Variants in DACH2 observed in about 807,000 individuals in gnomAD.
The protein encoded by DACH2 is dachshund family transcription factor 2.
In DACH2, 17 loss-of-function variants were observed where a neutral mutation model predicts 35.8. The observed-to-expected ratio is 0.48, with a 90% confidence interval of 0.33 to 0.71. DACH2 has a LOEUF of 0.71. DACH2 is among the 30% of genes least tolerant of loss of function. The pLI, the probability that DACH2 is intolerant of heterozygous loss-of-function variation, is 0.02. For missense variants in DACH2, 469 were observed against 472.7 expected (o/e 0.99, Z 0.07); for synonymous variants, 195 against 177.3 (o/e 1.10, Z -0.79).
chrX:86,277,973 A>G, intron 1 of DACH2, among the ~76,000 whole-genome samples: 1 of 111,698 alleles, frequency 9.0e-6, no homozygotes, highest in Non-Finnish European at 1.9e-5. Context: ...TCGGATTGTG[A>G]TGTGCGACGA....
chrX:86,377,355 G>A (rs1455018674), intron 2 of DACH2, among the ~76,000 whole-genome samples: 1 of 111,191 alleles, frequency 9.0e-6, no homozygotes, highest in East Asian at 2.8e-4. Flanking sequence ...ATGTGTTGTA[G>A]GCATGTTAGA....
intron 1 of DACH2, among the ~76,000 whole-genome samples, chrX:86,222,149 C>T (rs1243554404): frequency 3.6e-5 from 4 of 111,844 alleles, no homozygotes; most frequent in African/African-American, 6.5e-5. Context: ...TATAGTGCCC[C>T]GTAAACTCTT....
chrX:86,254,803 T>TAGAGAGAG (rs1191986026), intron 1 of DACH2, among the ~76,000 whole-genome samples: 23 of 65,137 alleles, frequency 3.5e-4, no homozygotes, highest in South Asian at 8.4e-4. Context: ...TATATATATA[T>TAGAGAGAG]ATATAGAGAG....
intron 1 of DACH2, among the ~76,000 whole-genome samples, chrX:86,211,602 G>A (rs1602289526): frequency 9.0e-6 from 1 of 111,450 alleles, no homozygotes; most frequent in South Asian, 3.7e-4. Flanking sequence ...CAAAAGAAGA[G>A]CAATCATTGG....
chrX:86,316,048 T>A (rs2034898843), intron 1 of DACH2, among the ~76,000 whole-genome samples: 1 of 110,228 alleles, frequency 9.1e-6, no homozygotes, highest in Non-Finnish European at 1.9e-5. Context: ...TAGAGCAGAG[T>A]TTTCTATCAG....
chrX:86,409,770 C>T (rs1347123827), intron 2 of DACH2, among the ~76,000 whole-genome samples: 1 of 112,046 alleles, frequency 8.9e-6, no homozygotes. Context: ...TACAAAGGAT[C>T]ATATAGCAAA....
chrX:86,378,219 A>G (rs971773046), intron 2 of DACH2, among the ~76,000 whole-genome samples: 2 of 109,556 alleles, frequency 1.8e-5, no homozygotes, highest in African/African-American at 3.3e-5. Flanking sequence ...TTTCTGGATT[A>G]TCAAAACATA....
intron 11 of DACH2, among the ~76,000 whole-genome samples, chrX:86,824,502 T>C (rs2042544433): frequency 8.9e-6 from 1 of 111,827 alleles, no homozygotes; most frequent in African/African-American, 3.3e-5. Flanking sequence ...ATCACAGTGG[T>C]CCTGAGGTGA....
At chrX:86,688,533 A>G (rs1006663475) in intron 4 of DACH2, among the ~76,000 whole-genome samples, 8 of 111,863 alleles carry the variant, frequency 7.2e-5, no homozygotes, top group Non-Finnish European at 1.3e-4. Flanking sequence ...AGACTGAGAG[A>G]TCTTTGAGGG....
At chrX:86,615,525 T>G (rs2039992123) in intron 3 of DACH2, among the ~76,000 whole-genome samples, 1 of 111,220 alleles carries the variant, frequency 9.0e-6, no homozygotes, top group South Asian at 3.7e-4. Flanking sequence ...GACTGCTCAG[T>G]GTATTTATGT....
intron 2 of DACH2, among the ~76,000 whole-genome samples, chrX:86,457,058 A>G (rs1198214680): frequency 9.0e-6 from 1 of 111,526 alleles, no homozygotes; most frequent in Non-Finnish European, 1.9e-5. Context: ...TTTGACTATG[A>G]CATGCCTAGT....
chrX:86,332,572 A>T lies in DACH2; in HGVS notation c.489-44252A>T, dbSNP rs919868289. ...TATGTGTGTATTCAGATAACATATT[A>T]AAACCTTTTTGAGTTCTTTAGAGAA... On this transcript the variant is annotated intron_variant, in intron 1 of 11. Transcript: ENST00000373125. 4.6e-5 allele frequency among the ~76,000 whole-genome samples: 5 copies of T among 107,663 alleles called. No individual in the cohort carries two copies. In the East Asian group the frequency reaches 1.4e-3, roughly 31 times the overall value. The allele number at this position is 107,663 out of a possible 115,157, so 93.5% of individuals were successfully genotyped here.
chrX:86,503,831 A>G (rs1159413335), intron 2 of DACH2, among the ~76,000 whole-genome samples: 1 of 112,033 alleles, frequency 8.9e-6, no homozygotes, highest in African/African-American at 3.2e-5. Context: ...AGAAGGAAAT[A>G]GGAAAATAAT....
intron 2 of DACH2, among the ~76,000 whole-genome samples, chrX:86,503,674 C>A (rs1011065649): frequency 2.7e-5 from 3 of 111,664 alleles, no homozygotes; most frequent in African/African-American, 9.7e-5. Context: ...TGTAAAAAAG[C>A]AGAATCTTAA....
At chrX:86,823,152 C>A (rs773667566) in intron 11 of DACH2, among the ~76,000 whole-genome samples, 1 of 110,869 alleles carries the variant, frequency 9.0e-6, no homozygotes, top group South Asian at 3.8e-4. Context: ...TCAGGCTGGT[C>A]TCAGGCTCCT....
chrX:86,298,035 T>C (rs951596113), intron 1 of DACH2, among the ~76,000 whole-genome samples: 1 of 111,994 alleles, frequency 8.9e-6, no homozygotes, highest in Non-Finnish European at 1.9e-5. Flanking sequence ...TCTATTGAAG[T>C]GACATTTGTA....
chrX:86,829,437 A>G (rs1048118491), intron 11 of DACH2: 1 of 112,548 alleles, frequency 8.9e-6, no homozygotes, highest in Non-Finnish European at 1.9e-5. Flanking sequence ...AAATAAGTAG[A>G]TAAGTTTAAC....
chrX:86,664,968 G>A (rs767179370), intron 4 of DACH2, among the ~76,000 whole-genome samples: 1 of 111,880 alleles, frequency 8.9e-6, no homozygotes, highest in Admixed American at 9.5e-5. Flanking sequence ...AAGATGACAA[G>A]ACCAAAGATT....
intron 4 of DACH2, among the ~76,000 whole-genome samples, chrX:86,684,418 C>T (rs1304102441): frequency 9.0e-6 from 1 of 110,809 alleles, no homozygotes; most frequent in Non-Finnish European, 1.9e-5. Flanking sequence ...TAAAGCATGG[C>T]GTATTTGGTT....
Sources: gnomAD v4.1 joint callset for allele counts (sites outside exome capture counted in the v4.1 genomes callset) on GRCh38, gnomAD v4.1.1 for gene constraint, MANE v1.5 for transcripts, NCBI Gene and HGNC (gene_info 2026-07-23, HGNC 2026-07-21) for gene names.